The following FOXP2 variants were observed in gnomAD, a reference collection of about 807,000 sequenced individuals.
FOXP2 encodes forkhead box P2.
Under a neutral mutation model 115.8 loss-of-function variants are expected in FOXP2, and 12 were observed. The ratio of observed to expected loss-of-function variants is 0.10; its 90% CI spans 0.07 to 0.17. The LOEUF (loss-of-function observed/expected upper bound fraction) is 0.17. FOXP2 is among the 10% of genes least tolerant of loss of function. The pLI, the probability that FOXP2 is intolerant of heterozygous loss-of-function variation, is 1.00. For missense variants in FOXP2, 629 were observed against 843.5 expected (o/e 0.75, Z 3.15); for synonymous variants, 328 against 297.7 (o/e 1.10, Z -1.05).
intron 1 of FOXP2, among the ~76,000 whole-genome samples, chr7:114,220,383 A>C (rs1794591524): frequency 6.6e-6 from 1 of 152,192 alleles, no homozygotes; most frequent in East Asian, 1.9e-4. Flanking sequence ...ATTTACATGG[A>C]TTCATGACTG....
At chr7:114,641,885 A>G (rs1045717334) in intron 6 of FOXP2, among the ~76,000 whole-genome samples, 1 of 152,022 alleles carries the variant, frequency 6.6e-6, no homozygotes, top group Non-Finnish European at 1.5e-5. Flanking sequence ...AGCTCACTGC[A>G]ACCTCTGCCT....
At chr7:114,455,888 T>C (rs1795293934) in intron 2 of FOXP2, among the ~76,000 whole-genome samples, 1 of 152,168 alleles carries the variant, frequency 6.6e-6, no homozygotes, top group African/African-American at 2.4e-5. Flanking sequence ...TGCCTCACCA[T>C]GCTACCTTGA....
chr7:114,140,739 T>G (rs1429123091), intron 1 of FOXP2, among the ~76,000 whole-genome samples: 1 of 152,172 alleles, frequency 6.6e-6, no homozygotes, highest in African/African-American at 2.4e-5. Context: ...GAGAACAGCT[T>G]GGGTTAACTT....
intron 2 of FOXP2, among the ~76,000 whole-genome samples, chr7:114,442,616 C>A (rs1794656183): frequency 6.6e-6 from 1 of 152,054 alleles, no homozygotes; most frequent in African/African-American, 2.4e-5. Flanking sequence ...TGCCATCATG[C>A]CTGGCTATCA....
intron 8 of FOXP2, among the ~76,000 whole-genome samples, chr7:114,648,928 A>T (rs529521250): frequency 1.3e-5 from 2 of 152,166 alleles, no homozygotes; most frequent in South Asian, 4.1e-4. Context: ...TAAGAGGCTC[A>T]TTAGGGGACA....
chr7:114,492,659 T>C lies in FOXP2; in HGVS notation c.169-41958T>C, dbSNP rs527369176. 3.2e-3 allele frequency among the ~76,000 whole-genome samples: 489 copies of C among 152,292 alleles called. 4 individuals carry two copies. Among genetic ancestry groups the C allele is most frequent in the African/African-American group, 0.011 (476 of 41,570 alleles). On this transcript the variant is annotated intron_variant, in intron 2 of 16. Coordinates refer to ENST00000350908, the MANE Select transcript of FOXP2 (RefSeq NM_014491.4). ...AGAACATCTTTATTTTTGCCTTCATTTCGTTATGTACCCAGTAGTCATTCA... is the reference window on the plus strand; with the variant it reads ...AGAACATCTTTATTTTTGCCTTCATCTCGTTATGTACCCAGTAGTCATTCA...
intron 3 of FOXP2, chr7:114,570,985 A>G: frequency 2.2e-6 from 2 of 924,130 alleles, no homozygotes; most frequent in South Asian, 2.6e-5. Flanking sequence ...AATCCCTTCC[A>G]TTGGTGCAGA....
At chr7:114,478,843 C>T (rs1424212997) in intron 2 of FOXP2, among the ~76,000 whole-genome samples, 1 of 151,606 alleles carries the variant, frequency 6.6e-6, no homozygotes, top group African/African-American at 2.4e-5. Context: ...CCCTTCTCTC[C>T]ATTTACAAAA....
intron 2 of FOXP2, among the ~76,000 whole-genome samples, chr7:114,321,046 A>AT (rs904836725): frequency 1.2e-4 from 19 of 152,096 alleles, no homozygotes; most frequent in Admixed American, 1.2e-3. Context: ...AGGAAAGATG[A>AT]TTTTTTCCAT....
Position 114,690,825 on chromosome 7 carries a change from CA to C in FOXP2, c.*901del, listed in dbSNP as rs1198515481. ...TGCTTTGGTCAGCCTTCTGTAACTTCAATTAGTACAAAGGAACCTTTTCCAT... is the reference window on the plus strand; with the variant it reads ...TGCTTTGGTCAGCCTTCTGTAACTTCATTAGTACAAAGGAACCTTTTCCAT... On this transcript the variant is annotated 3_prime_UTR_variant, in exon 17 of 17. Transcript: ENST00000350908. 1.1e-5 allele frequency: 5 copies of C among 454,378 alleles called. No homozygotes were observed. Among genetic ancestry groups the C allele is most frequent in the African/African-American group, 1.0e-4 (5 of 49,996 alleles). 28.1% of individuals were successfully genotyped at this position (454,378 alleles called of 1,614,324 possible). A position where few individuals can be genotyped will look rare whatever the true frequency, so the allele number is the denominator to read the frequency against.
intron 1 of FOXP2, among the ~76,000 whole-genome samples, chr7:114,131,131 G>C (rs1464732824): frequency 2.0e-5 from 3 of 152,180 alleles, no homozygotes; most frequent in Non-Finnish European, 4.4e-5. Context: ...TGTTCCGTGT[G>C]AAAGTATTTG....
intron 1 of FOXP2, among the ~76,000 whole-genome samples, chr7:114,231,112 T>C (rs1241140867): frequency 6.6e-6 from 1 of 151,740 alleles, no homozygotes; most frequent in Non-Finnish European, 1.5e-5. Context: ...AATCTGAAAA[T>C]GAAATTATGA....
chr7:114,186,962 G>T (rs1218587070), intron 1 of FOXP2, among the ~76,000 whole-genome samples: 2 of 152,150 alleles, frequency 1.3e-5, no homozygotes, highest in Non-Finnish European at 2.9e-5. Flanking sequence ...GGTCCTGCAG[G>T]CTCCCTGGGT....
intron 1 of FOXP2, among the ~76,000 whole-genome samples, chr7:114,111,701 C>T (rs1011811392): frequency 1.3e-5 from 2 of 151,852 alleles, no homozygotes; most frequent in Non-Finnish European, 2.9e-5. Context: ...TTGTGTAAAA[C>T]AGGATTTAAA....
At chr7:114,344,449 A>G (rs1451576990) in intron 2 of FOXP2, among the ~76,000 whole-genome samples, 1 of 151,844 alleles carries the variant, frequency 6.6e-6, no homozygotes, top group East Asian at 1.9e-4. Flanking sequence ...GCATGGTGTG[A>G]TACACGTTTA....
intron 2 of FOXP2, among the ~76,000 whole-genome samples, chr7:114,496,315 A>C (rs891594550): frequency 6.6e-6 from 1 of 152,146 alleles, no homozygotes; most frequent in Admixed American, 6.5e-5. Context: ...TATGGGGAAA[A>C]ATATTAATTG....
At chr7:114,351,535 T>G (rs1791489957) in intron 2 of FOXP2, among the ~76,000 whole-genome samples, 1 of 152,148 alleles carries the variant, frequency 6.6e-6, no homozygotes, top group African/African-American at 2.4e-5. Flanking sequence ...GTATCAAATA[T>G]ATCTTTACAA....
intron 1 of FOXP2, among the ~76,000 whole-genome samples, chr7:114,234,154 A>G (rs1182741276): frequency 1.3e-5 from 2 of 152,184 alleles, no homozygotes; most frequent in Non-Finnish European, 2.9e-5. Flanking sequence ...TACCTCATTT[A>G]TATGATGGGA....
At chr7:114,638,631 A>T (rs1805352676) in intron 6 of FOXP2, among the ~76,000 whole-genome samples, 1 of 152,170 alleles carries the variant, frequency 6.6e-6, no homozygotes, top group Admixed American at 6.5e-5. Flanking sequence ...TTTTCTTTTT[A>T]AAAATGTCCC....
Sources: allele counts gnomAD v4.1 joint callset (sites outside exome capture counted in the v4.1 genomes callset), GRCh38; gene constraint gnomAD v4.1.1; transcripts MANE v1.5; gene names NCBI Gene and HGNC (gene_info 2026-07-23, HGNC 2026-07-21).